The following CADPS variants were observed in gnomAD, a reference collection of about 807,000 sequenced individuals.
The protein encoded by CADPS is calcium dependent secretion activator.
CADPS carries 57 observed loss-of-function variants against 167.3 expected under a neutral mutation model. The observed-to-expected ratio is 0.34, with a 90% CI of 0.28 to 0.42. The LOEUF (loss-of-function observed/expected upper bound fraction) is 0.42. Ranked by LOEUF, CADPS falls within the 20% of genes least tolerant of loss-of-function variation. The pLI, the probability that CADPS is intolerant of heterozygous loss-of-function variation, is 1.00. For missense variants in CADPS, 1,414 were observed against 1,738.1 expected, an observed-to-expected ratio of 0.81 and a Z score of 3.32; for synonymous variants, 676 against 635.3, an observed-to-expected ratio of 1.06 and a Z score of -0.96.
intron 1 of CADPS, among the ~76,000 whole-genome samples, chr3:62,866,602 T>C (rs1258497300): frequency 1.3e-5 from 2 of 152,024 alleles, no homozygotes; most frequent in Non-Finnish European, 2.9e-5. Flanking sequence ...ACACTTGAGT[T>C]ATAATAATTA....
intron 10 of CADPS, 102 bp downstream of exon 10, chr3:62,557,303 T>G (rs1478004688): frequency 1.3e-6 from 1 of 790,024 alleles, no homozygotes; most frequent in South Asian, 1.5e-5. Flanking sequence ...GTGAATTGAC[T>G]TAGTGCCTAG....
intron 3 of CADPS, among the ~76,000 whole-genome samples, chr3:62,675,099 T>C (rs1344882208): frequency 6.6e-6 from 1 of 152,080 alleles, no homozygotes; most frequent in African/African-American, 2.4e-5. Flanking sequence ...TCCACAGAAT[T>C]ACTCAGGGAT....
chr3:62,417,031 G>A (rs534098909), intron 28 of CADPS, among the ~76,000 whole-genome samples: 26 of 151,958 alleles, frequency 1.7e-4, no homozygotes, highest in African/African-American at 4.3e-4. Flanking sequence ...GACTACAGGC[G>A]TGCACCACCG....
intron 2 of CADPS, among the ~76,000 whole-genome samples, chr3:62,756,209 T>C (rs953151032): frequency 6.6e-6 from 1 of 151,980 alleles, no homozygotes; most frequent in African/African-American, 2.4e-5. Context: ...TCTGCCACCA[T>C]CCCCAGCTAA....
At chr3:62,546,129 T>C (rs575060721) in intron 11 of CADPS, among the ~76,000 whole-genome samples, 1 of 144,796 alleles carries the variant, frequency 6.9e-6, no homozygotes, top group East Asian at 2.0e-4. Context: ...AATACTTGAT[T>C]TTTTTTTTTT....
At position 62,475,184 on chromosome 3, in the gene CADPS, A is replaced by G. The variant is rs1442377371; in HGVS notation, c.3330-864T>C. Reference sequence around the variant, plus strand: ...TCTCAGCAATGTGCTAACAACTCATAGAAAAAGCCTAGCCTGACATGGCCA... The same window carrying G: ...TCTCAGCAATGTGCTAACAACTCATGGAAAAAGCCTAGCCTGACATGGCCA... On this transcript the variant is annotated intron_variant, in intron 23 of 29. Transcript: ENST00000383710. Among the ~76,000 whole-genome samples, 4 of 152,236 alleles carry G rather than the reference A, an allele frequency of 2.6e-5. No homozygotes were observed. The East Asian group carries it at 7.7e-4, about 29-fold the overall frequency.
intron 26 of CADPS, among the ~76,000 whole-genome samples, chr3:62,452,108 G>A (rs2058132485): frequency 6.6e-6 from 1 of 152,154 alleles, no homozygotes; most frequent in Non-Finnish European, 1.5e-5. Context: ...AGAGGTTAGA[G>A]GTTTCTAGCA....
intron 17 of CADPS, among the ~76,000 whole-genome samples, chr3:62,509,246 G>T (rs543571707): frequency 6.9e-6 from 1 of 145,512 alleles, no homozygotes; most frequent in South Asian, 2.2e-4. Context: ...AGATGTTGTG[G>T]TGAGCCAGGA....
chr3:62,815,508 G>T (rs150718174), intron 1 of CADPS, among the ~76,000 whole-genome samples: 2 of 152,206 alleles, frequency 1.3e-5, no homozygotes, highest in African/African-American at 2.4e-5. Flanking sequence ...TCTGGGTGCA[G>T]ATTACATGGG....
chr3:62,442,779 G>C (rs1252008592), intron 27 of CADPS, among the ~76,000 whole-genome samples: 1 of 152,094 alleles, frequency 6.6e-6, no homozygotes, highest in Non-Finnish European at 1.5e-5. Flanking sequence ...TTCACCAGGT[G>C]ACCTTGGGCA....
Position 62,411,918 on chromosome 3 carries a change from C to T in CADPS, c.3778-8733G>A, listed in dbSNP as rs1575651703. Among the ~76,000 whole-genome samples, 3 of 152,208 alleles carry T rather than the reference C, an allele frequency of 2.0e-5. No homozygotes were observed. The East Asian group carries it at 5.8e-4, about 29-fold the overall frequency. On this transcript the variant is annotated intron_variant, in intron 28 of 29. Coordinates refer to ENST00000383710, the MANE Select transcript of CADPS (RefSeq NM_003716.4). ...TTGAAAGATACAATCTTCTGCCTTA[C>T]TTGAGTGTTGCTATAATTCAGGATT...
At chr3:62,497,142 T>A (rs2064943419) in intron 18 of CADPS, among the ~76,000 whole-genome samples, 1 of 152,226 alleles carries the variant, frequency 6.6e-6, no homozygotes. Flanking sequence ...TTTGGAAAAG[T>A]GAAACGTGCC....
In CADPS at chr3:62,551,092, TTCAC is replaced by T. The variant is rs1267830190; in HGVS notation, c.1754-981_1754-978del. ...AAGTACCATGAGTATGCTGATGGCC[TTCAC>T]ACTTCTCTCTCCAACCTGGACCTCT... On this transcript the variant is annotated intron_variant, in intron 10 of 29. Coordinates refer to ENST00000383710, the MANE Select transcript of CADPS (RefSeq NM_003716.4). 2.5e-3 allele frequency among the ~76,000 whole-genome samples: 380 copies of T among 152,226 alleles called. 2 individuals are homozygous for T. The highest frequency in any genetic ancestry group is 8.1e-3 in the African/African-American group (338 of 41,526).
At chr3:62,867,860 CACT>C (rs1164383308) in intron 1 of CADPS, among the ~76,000 whole-genome samples, 1 of 151,968 alleles carries the variant, frequency 6.6e-6, no homozygotes, top group African/African-American at 2.4e-5. Context: ...ATCAAGGTAC[CACT>C]ACAATTCCCA....
intron 1 of CADPS, among the ~76,000 whole-genome samples, chr3:62,820,816 T>C (rs1252128663): frequency 2.6e-5 from 4 of 151,274 alleles, no homozygotes; most frequent in African/African-American, 9.8e-5. Context: ...TTTTCTGTCT[T>C]TTCGAGTCAG....
intron 6 of CADPS, among the ~76,000 whole-genome samples, chr3:62,594,360 A>C (rs1426271770): frequency 2.0e-5 from 3 of 151,450 alleles, no homozygotes; most frequent in Non-Finnish European, 2.9e-5. Flanking sequence ...ACGCGGTTTC[A>C]CCGTTTTAGC....
chr3:62,555,878 T>G (rs2078059039), intron 10 of CADPS, among the ~76,000 whole-genome samples: 1 of 152,080 alleles, frequency 6.6e-6, no homozygotes, highest in Non-Finnish European at 1.5e-5. Context: ...GTAGCCTCCC[T>G]GTAGCACACA....
At chr3:62,545,531 A>G (rs947145446) in intron 11 of CADPS, among the ~76,000 whole-genome samples, 1 of 152,164 alleles carries the variant, frequency 6.6e-6, no homozygotes, top group African/African-American at 2.4e-5. Context: ...AAAAACTACA[A>G]AAGAACAAAA....
At chr3:62,759,682 T>C (rs1339528094) in intron 2 of CADPS, among the ~76,000 whole-genome samples, 2 of 152,154 alleles carry the variant, frequency 1.3e-5, no homozygotes, top group African/African-American at 4.8e-5. Context: ...TTGACATGCA[T>C]AGATACATTG....
Sources: gnomAD v4.1 joint callset for allele counts (sites outside exome capture counted in the v4.1 genomes callset) on GRCh38, gnomAD v4.1.1 for gene constraint, MANE v1.5 for transcripts, NCBI Gene and HGNC (gene_info 2026-07-23, HGNC 2026-07-21) for gene names.